NDST3: variants seen among roughly 807,000 people sequenced by gnomAD.
The protein encoded by NDST3 is N-deacetylase and N-sulfotransferase 3.
A neutral mutation model predicts 96.1 loss-of-function variants in NDST3; 58 were observed. That is an observed-to-expected ratio of 0.60 (90% confidence interval 0.49 to 0.75). The LOEUF is 0.75. Among genes scored for constraint, NDST3 ranks in the 30% least tolerant of loss-of-function variants. The pLI, the probability that NDST3 is intolerant of heterozygous loss-of-function variation, is 0.00. For synonymous variants in NDST3, 333 were observed against 359.7 expected (o/e 0.93, Z 0.84); for missense variants, 788 against 1,034.2 (o/e 0.76, Z 3.27).
At chr4:118,143,712 G>A (rs537831723) in intron 6 of NDST3, 28 bp downstream of exon 6, 3 of 1,557,384 alleles carry the variant, frequency 1.9e-6, no homozygotes, top group Admixed American at 4.3e-5. Context: ...CAAATAAATA[G>A]TGAAAAATGA....
intron 6 of NDST3, among the ~76,000 whole-genome samples, chr4:118,205,351 ATTGAGT>A (rs1738366947): frequency 1.4e-5 from 2 of 144,712 alleles, no homozygotes; most frequent in South Asian, 4.6e-4. Context: ...TGCTAGATAC[ATTGAGT>A]TTATCTATTT....
rs968833580 is a variant in NDST3 at position 118,208,018 on chromosome 4, C to T, written c.1540-16473C>T. 7.6e-5 allele frequency among the ~76,000 whole-genome samples: 11 copies of T among 144,420 alleles called. 2 individuals are homozygous for T. The highest frequency in any genetic ancestry group is 3.5e-3 in the Middle Eastern group (1 of 282). 94.7% of individuals were successfully genotyped at this position (144,420 alleles called of 152,430 possible). On this transcript the variant is annotated intron_variant, in intron 6 of 13. Coordinates refer to ENST00000296499, the MANE Select transcript of NDST3 (RefSeq NM_004784.3). ...ATTTATAAACCCTAGTTCTTTTTAA[C>T]AAGCTGATTTAGCTAGTTCCTAAGA...
At chr4:118,162,364 A>C (rs1260322487) in intron 6 of NDST3, among the ~76,000 whole-genome samples, 8 of 152,234 alleles carry the variant, frequency 5.3e-5, no homozygotes, top group African/African-American at 1.9e-4. Flanking sequence ...ACAAGGCTAC[A>C]GTAACCAAAA....
intron 2 of NDST3, among the ~76,000 whole-genome samples, chr4:118,060,272 T>C (rs1212210977): frequency 6.6e-6 from 1 of 152,162 alleles, no homozygotes; most frequent in African/African-American, 2.4e-5. Context: ...GCACATATTT[T>C]GAAATTGTAT....
chr4:118,089,565 C>T (rs1728704157), intron 2 of NDST3, among the ~76,000 whole-genome samples: 1 of 151,868 alleles, frequency 6.6e-6, no homozygotes, highest in Admixed American at 6.6e-5. Flanking sequence ...AGAAGAAATA[C>T]TGAGATTGGT....
intron 2 of NDST3, among the ~76,000 whole-genome samples, chr4:118,064,357 T>C (rs1726135393): frequency 6.6e-6 from 1 of 152,142 alleles, no homozygotes; most frequent in African/African-American, 2.4e-5. Context: ...TAAAGCACTT[T>C]TTTATTCTTA....
At chr4:118,076,017 T>A (rs1727498549) in intron 2 of NDST3, among the ~76,000 whole-genome samples, 1 of 152,188 alleles carries the variant, frequency 6.6e-6, no homozygotes, top group East Asian at 1.9e-4. Context: ...CCTTAGTATT[T>A]GTTTGTTTGC....
chr4:118,166,486 T>C (rs1337029737), intron 6 of NDST3, among the ~76,000 whole-genome samples: 1 of 151,866 alleles, frequency 6.6e-6, no homozygotes, highest in African/African-American at 2.4e-5. Context: ...AAAGAACTAA[T>C]GCCAATCCTT....
chr4:118,098,690 C>T (rs1039671990), intron 2 of NDST3, among the ~76,000 whole-genome samples: 1 of 152,024 alleles, frequency 6.6e-6, no homozygotes, highest in African/African-American at 2.4e-5. Flanking sequence ...TTTGTCCTTA[C>T]TCTGTTATTA....
intron 5 of NDST3, among the ~76,000 whole-genome samples, chr4:118,138,996 C>A (rs1312309751): frequency 2.0e-5 from 3 of 152,196 alleles, no homozygotes; most frequent in Non-Finnish European, 4.4e-5. Flanking sequence ...CACCGTAACA[C>A]TCTGTTGAAC....
At chr4:118,215,676 A>G (rs796666999) in intron 6 of NDST3, among the ~76,000 whole-genome samples, 2 of 152,272 alleles carry the variant, frequency 1.3e-5, no homozygotes, top group African/African-American at 4.8e-5. Flanking sequence ...GTGATAGACT[A>G]AGATCACATG....
At position 118,058,329 on chromosome 4, in the gene NDST3, C is replaced by T. The variant is rs998575089; in HGVS notation, c.981+3438C>T. Among the ~76,000 whole-genome samples the T allele has an allele frequency of 2.0e-5, 3 of 150,424 alleles. No homozygotes were observed. In the East Asian group the frequency reaches 5.9e-4, roughly 30 times the overall value. ...AGCAATGCAATATCAGCTTTACCCA[C>T]CTAGATGTTGAATAATATGAGTATA... On this transcript the variant is annotated intron_variant, in intron 2 of 13. Coordinates refer to ENST00000296499, the MANE Select transcript of NDST3 (RefSeq NM_004784.3).
upstream of NDST3, chr4:118,033,857 G>T (rs949985026): frequency 6.6e-6 from 1 of 152,350 alleles, no homozygotes; most frequent in Non-Finnish European, 1.5e-5. Context: ...CCTGGGGAGC[G>T]GCTGAGGCCG....
At chr4:118,044,743 G>C (rs539842433) in intron 1 of NDST3, among the ~76,000 whole-genome samples, 1 of 152,262 alleles carries the variant, frequency 6.6e-6, no homozygotes, top group Non-Finnish European at 1.5e-5. Context: ...TAAGAGCATG[G>C]TGCTGGCATC....
At chr4:118,067,829 G>T (rs376880839) in intron 2 of NDST3, among the ~76,000 whole-genome samples, 20 of 151,714 alleles carry the variant, frequency 1.3e-4, no homozygotes, top group African/African-American at 4.6e-4. Context: ...CTAGGTGACG[G>T]ATTGATAGGT....
intron 6 of NDST3, among the ~76,000 whole-genome samples, chr4:118,173,753 A>G (rs904611704): frequency 3.3e-5 from 5 of 152,152 alleles, no homozygotes; most frequent in Admixed American, 2.6e-4. Context: ...AATGTAATAT[A>G]TAAAAATTTT....
At chr4:118,102,871 T>A (rs951312760) in intron 2 of NDST3, among the ~76,000 whole-genome samples, 3 of 152,144 alleles carry the variant, frequency 2.0e-5, no homozygotes, top group African/African-American at 7.2e-5. Context: ...TAGGCATAAT[T>A]AGTATCTGCC....
chr4:118,250,243 T>G (rs1459147898), intron 12 of NDST3, among the ~76,000 whole-genome samples: 2 of 152,228 alleles, frequency 1.3e-5, no homozygotes, highest in Non-Finnish European at 1.5e-5. Flanking sequence ...AGTAGTTATG[T>G]ATTTTAATTT....
At chr4:118,245,895 G>A (rs1741283177) in intron 12 of NDST3, among the ~76,000 whole-genome samples, 1 of 152,138 alleles carries the variant, frequency 6.6e-6, no homozygotes, top group Non-Finnish European at 1.5e-5. Context: ...CACTCAGCAA[G>A]TAAGTTGAGG....
Sources: allele counts gnomAD v4.1 joint callset (sites outside exome capture counted in the v4.1 genomes callset), GRCh38; gene constraint gnomAD v4.1.1; transcripts MANE v1.5; gene names NCBI Gene and HGNC (gene_info 2026-07-23, HGNC 2026-07-21).